The following SOX5 variants were observed in gnomAD, a reference collection of about 807,000 sequenced individuals.
The protein encoded by SOX5 is transcription factor SOX-5.
Under a neutral mutation model 92.0 loss-of-function variants are expected in SOX5, and 9 were observed. The ratio of observed to expected loss-of-function variants is 0.10; its 90% CI spans 0.06 to 0.17. The LOEUF (loss-of-function observed/expected upper bound fraction) is 0.17, where lower values mean the gene tolerates loss of function less well. Ranked by LOEUF, SOX5 falls within the 10% of genes least tolerant of loss-of-function variation. The pLI is 1.00. For synonymous variants in SOX5, 344 were observed against 336.3 expected (o/e 1.02, Z -0.25); for missense variants, 642 against 944.5 (o/e 0.68, Z 4.20).
intron 2 of SOX5, among the ~76,000 whole-genome samples, chr12:23,850,389 A>T (rs1391624633): frequency 6.6e-6 from 1 of 151,262 alleles, no homozygotes; most frequent in Non-Finnish European, 1.5e-5. Context: ...AGATTGCGCC[A>T]CTGCACTCCG....
At chr12:24,130,436 G>A (rs116907898) in intron 4 of SOX5, among the ~76,000 whole-genome samples, 4 of 152,290 alleles carry the variant, frequency 2.6e-5, no homozygotes, top group South Asian at 2.1e-4. Flanking sequence ...CATGTTCTGT[G>A]TGGATCTCAC....
intron 1 of SOX5, among the ~76,000 whole-genome samples, chr12:24,422,048 G>A (rs1357516497): frequency 6.6e-6 from 1 of 152,188 alleles, no homozygotes; most frequent in Non-Finnish European, 1.5e-5. Context: ...AATGACCTTG[G>A]TCAAGGTAAA....
intron 6 of SOX5, among the ~76,000 whole-genome samples, chr12:23,671,321 G>T (rs1231465129): frequency 1.3e-5 from 2 of 152,124 alleles, no homozygotes; most frequent in African/African-American, 4.8e-5. Flanking sequence ...AGTTTAGTCT[G>T]ATGAGTGCTA....
intron 1 of SOX5, among the ~76,000 whole-genome samples, chr12:24,415,105 C>T (rs1224579083): frequency 3.3e-5 from 5 of 152,162 alleles, no homozygotes; most frequent in Admixed American, 3.3e-4. Flanking sequence ...TCCCCCCCTG[C>T]TAATTTAGAA....
intron 4 of SOX5, among the ~76,000 whole-genome samples, chr12:24,056,418 C>A (rs189201926): frequency 6.6e-6 from 1 of 152,266 alleles, no homozygotes; most frequent in Non-Finnish European, 1.5e-5. Context: ...TTTAAAAAGT[C>A]AGACTATAGT....
chr12:24,513,393 T>C (rs1949501961), intron 1 of SOX5, among the ~76,000 whole-genome samples: 1 of 152,234 alleles, frequency 6.6e-6, no homozygotes, highest in Non-Finnish European at 1.5e-5. Flanking sequence ...CCTTCATATT[T>C]AACTCAACAC....
intron 4 of SOX5, among the ~76,000 whole-genome samples, chr12:24,116,254 C>G (rs980682676): frequency 6.6e-6 from 1 of 152,000 alleles, no homozygotes; most frequent in African/African-American, 2.4e-5. Flanking sequence ...TCTGGTGAAG[C>G]CTTTGAAACT....
At chr12:23,593,402 A>G (rs966527154) in intron 9 of SOX5, among the ~76,000 whole-genome samples, 1 of 152,222 alleles carries the variant, frequency 6.6e-6, no homozygotes, top group Non-Finnish European at 1.5e-5. Flanking sequence ...GAGAAACCAT[A>G]TGAATAATGA....
intron 4 of SOX5, among the ~76,000 whole-genome samples, chr12:23,990,982 G>A (rs1299680222): frequency 6.6e-6 from 1 of 151,824 alleles, no homozygotes; most frequent in African/African-American, 2.4e-5. Flanking sequence ...TAATATAGGT[G>A]AAGATCTATT....
intron 3 of SOX5, among the ~76,000 whole-genome samples, chr12:23,790,118 A>G (rs981727775): frequency 2.6e-5 from 4 of 152,210 alleles, no homozygotes; most frequent in Non-Finnish European, 5.9e-5. Flanking sequence ...TGGGCTCAAT[A>G]TGATAATCAC....
At chr12:23,800,034 C>T (rs971153588) in intron 3 of SOX5, among the ~76,000 whole-genome samples, 16 of 151,604 alleles carry the variant, frequency 1.1e-4, no homozygotes, top group African/African-American at 3.9e-4. Context: ...GAAAGACAGC[C>T]GGAATATTCT....
intron 1 of SOX5, among the ~76,000 whole-genome samples, chr12:23,906,180 A>G (rs2097291503): frequency 6.6e-6 from 1 of 152,210 alleles, no homozygotes; most frequent in African/African-American, 2.4e-5. Flanking sequence ...TTAATCGCAA[A>G]CTGAAAAATA....
At chr12:24,350,494 C>T (rs1953934413) in intron 2 of SOX5, among the ~76,000 whole-genome samples, 1 of 152,068 alleles carries the variant, frequency 6.6e-6, no homozygotes, top group Non-Finnish European at 1.5e-5. Flanking sequence ...TAGGCACGTG[C>T]CACCATGCCC....
intron 3 of SOX5, among the ~76,000 whole-genome samples, chr12:23,761,347 T>A (rs920782345): frequency 6.6e-6 from 1 of 152,144 alleles, no homozygotes; most frequent in African/African-American, 2.4e-5. Context: ...TAATTAACAC[T>A]AAACAAATTT....
intron 2 of SOX5, among the ~76,000 whole-genome samples, chr12:23,881,167 T>C (rs2096984769): frequency 1.3e-5 from 2 of 152,250 alleles, no homozygotes; most frequent in Admixed American, 1.3e-4. Flanking sequence ...TAATTTAGTA[T>C]GACAAGATAA....
chr12:24,213,964 A>ATG (rs1413877108), intron 3 of SOX5, among the ~76,000 whole-genome samples: 1 of 149,994 alleles, frequency 6.7e-6, no homozygotes, highest in Non-Finnish European at 1.5e-5. Flanking sequence ...ATATATATAT[A>ATG]ATGTAATATT....
intron 7 of SOX5, among the ~76,000 whole-genome samples, chr12:23,658,494 C>T (rs1163357806): frequency 6.6e-6 from 1 of 152,138 alleles, no homozygotes; most frequent in Non-Finnish European, 1.5e-5. Flanking sequence ...TAAACATTTA[C>T]AAAGCTTTAC....
intron 9 of SOX5, among the ~76,000 whole-genome samples, chr12:23,594,688 T>G (rs953471278): frequency 6.6e-6 from 1 of 152,152 alleles, no homozygotes; most frequent in African/African-American, 2.4e-5. Flanking sequence ...AGAATATAAT[T>G]CAAAGTCCTG....
intron 2 of SOX5, among the ~76,000 whole-genome samples, chr12:23,878,640 A>C (rs2096954572): frequency 1.3e-5 from 2 of 152,186 alleles, no homozygotes; most frequent in Admixed American, 1.3e-4. Flanking sequence ...CAAATCCATA[A>C]AATATTAATC....
Sources: allele counts gnomAD v4.1 joint callset (sites outside exome capture counted in the v4.1 genomes callset), GRCh38; gene constraint gnomAD v4.1.1; transcripts MANE v1.5; gene names NCBI Gene and HGNC (gene_info 2026-07-23, HGNC 2026-07-21).